The following CNTNAP2 variants were observed in gnomAD, a reference collection of about 807,000 sequenced individuals.
The protein encoded by CNTNAP2 is contactin associated protein 2.
Under a neutral mutation model 155.2 loss-of-function variants are expected in CNTNAP2, and 98 were observed. That is an observed-to-expected ratio of 0.63 (90% confidence interval 0.54 to 0.75). The LOEUF is 0.75. Ranked by LOEUF, CNTNAP2 falls within the 30% of genes least tolerant of loss-of-function variation. CNTNAP2 has a pLI of 0.00. For missense variants in CNTNAP2, 1,727 were observed against 1,688.1 expected, an observed-to-expected ratio of 1.02 and a Z score of -0.40; for synonymous variants, 651 against 631.2, an observed-to-expected ratio of 1.03 and a Z score of -0.47.
chr7:147,198,766 T>G (rs758294985), intron 8 of CNTNAP2, among the ~76,000 whole-genome samples: 1 of 152,128 alleles, frequency 6.6e-6, no homozygotes, highest in African/African-American at 2.4e-5. Flanking sequence ...GAATCATTTG[T>G]ATTTATCAAG....
intron 13 of CNTNAP2, among the ~76,000 whole-genome samples, chr7:147,809,638 CTTTTTT>C (rs909172202): frequency 9.2e-5 from 14 of 152,118 alleles, no homozygotes; most frequent in African/African-American, 3.4e-4. Context: ...CATTATTTTT[CTTTTTT>C]GTCTTCAGCT....
intron 3 of CNTNAP2, among the ~76,000 whole-genome samples, chr7:147,007,972 C>A (rs1187893309): frequency 6.6e-6 from 1 of 152,246 alleles, no homozygotes; most frequent in East Asian, 1.9e-4. Context: ...AGTGCAAGTT[C>A]ATTTTCCTGT....
chr7:147,459,008 T>G (rs1368579637), intron 10 of CNTNAP2, among the ~76,000 whole-genome samples: 1 of 152,146 alleles, frequency 6.6e-6, no homozygotes, highest in East Asian at 1.9e-4. Context: ...ATATTATGGT[T>G]TATTATCTCC....
intron 1 of CNTNAP2, among the ~76,000 whole-genome samples, chr7:146,487,511 A>C (rs1361937811): frequency 6.6e-6 from 1 of 152,178 alleles, no homozygotes; most frequent in Non-Finnish European, 1.5e-5. Flanking sequence ...AATATCTTTA[A>C]TTTCTTTAAC....
At chr7:147,580,743 G>A (rs1398642453) in intron 12 of CNTNAP2, among the ~76,000 whole-genome samples, 1 of 151,860 alleles carries the variant, frequency 6.6e-6, no homozygotes, top group African/African-American at 2.4e-5. Flanking sequence ...AGCCTCCTGA[G>A]TAGCTAGGAC....
intron 15 of CNTNAP2, among the ~76,000 whole-genome samples, chr7:148,033,363 A>T (rs1283282021): frequency 5.0e-5 from 2 of 39,614 alleles, no homozygotes; most frequent in African/African-American, 3.7e-4. Flanking sequence ...TATTTCTTCT[A>T]AAAAAAAAAA....
At chr7:147,661,107 C>T (rs1235806871) in intron 13 of CNTNAP2, among the ~76,000 whole-genome samples, 1 of 152,226 alleles carries the variant, frequency 6.6e-6, no homozygotes, top group Admixed American at 6.5e-5. Context: ...GGCCCTTTAC[C>T]TATAATATGC....
At chr7:148,289,782 G>A (rs918252178) in intron 21 of CNTNAP2, among the ~76,000 whole-genome samples, 3 of 152,120 alleles carry the variant, frequency 2.0e-5, no homozygotes, top group African/African-American at 7.2e-5. Flanking sequence ...ACAGGACAAG[G>A]CACACCAGAA....
intron 13 of CNTNAP2, among the ~76,000 whole-genome samples, chr7:147,731,392 T>C (rs764067581): frequency 3.2e-4 from 49 of 152,048 alleles, no homozygotes; most frequent in Non-Finnish European, 5.3e-4. Context: ...ATCTCTACTC[T>C]GCCTGTCCCC....
At chr7:147,066,609 A>G (rs1227114302) in intron 4 of CNTNAP2, among the ~76,000 whole-genome samples, 1 of 152,194 alleles carries the variant, frequency 6.6e-6, no homozygotes, top group Non-Finnish European at 1.5e-5. Context: ...AAGTGTTCAC[A>G]CAGACTCTAA....
At chr7:147,310,509 T>A (rs181000635) in intron 9 of CNTNAP2, among the ~76,000 whole-genome samples, 4 of 152,278 alleles carry the variant, frequency 2.6e-5, no homozygotes, top group Non-Finnish European at 4.4e-5. Flanking sequence ...TTAGCAAATA[T>A]CTTCTATATC....
At chr7:146,662,881 T>G (rs1800117159) in intron 1 of CNTNAP2, among the ~76,000 whole-genome samples, 1 of 152,198 alleles carries the variant, frequency 6.6e-6, no homozygotes, top group Non-Finnish European at 1.5e-5. Context: ...GACCTTATAT[T>G]TGCGAGTCTG....
intron 3 of CNTNAP2, among the ~76,000 whole-genome samples, chr7:146,841,099 C>G (rs79102940): frequency 0.047 from 7,105 of 152,216 alleles, 568 homozygotes; most frequent in African/African-American, 0.16. Flanking sequence ...AGCTAGAGAA[C>G]TTTAAAACAT....
At chr7:146,778,728 C>A (rs1218528865) in intron 2 of CNTNAP2, among the ~76,000 whole-genome samples, 1 of 152,222 alleles carries the variant, frequency 6.6e-6, no homozygotes, top group Admixed American at 6.5e-5. Flanking sequence ...GTTTCTCAAT[C>A]TTCATAACAA....
chr7:146,418,343 A>G (rs559531038), intron 1 of CNTNAP2, among the ~76,000 whole-genome samples: 1 of 152,186 alleles, frequency 6.6e-6, no homozygotes, highest in Non-Finnish European at 1.5e-5. Flanking sequence ...AACCCCAGTG[A>G]GGATCTCTAA....
intron 1 of CNTNAP2, among the ~76,000 whole-genome samples, chr7:146,589,596 T>C (rs1236335126): frequency 1.3e-5 from 2 of 151,814 alleles, no homozygotes; most frequent in African/African-American, 4.8e-5. Context: ...TTGGGGCCTG[T>C]TGGGGTTTGG....
chr7:146,506,082 A>G (rs902798132), intron 1 of CNTNAP2, among the ~76,000 whole-genome samples: 1 of 152,172 alleles, frequency 6.6e-6, no homozygotes, highest in Admixed American at 6.5e-5. Context: ...GTGTTCCCCT[A>G]TCACATTCAA....
intron 1 of CNTNAP2, among the ~76,000 whole-genome samples, chr7:146,581,405 ATAAAT>A (rs1444833093): frequency 6.6e-6 from 1 of 152,154 alleles, no homozygotes; most frequent in African/African-American, 2.4e-5. Context: ...AAATAAAATG[ATAAAT>A]TATAATAGCA....
intron 12 of CNTNAP2, among the ~76,000 whole-genome samples, chr7:147,566,415 C>T (rs1334629051): frequency 1.3e-5 from 2 of 151,532 alleles, no homozygotes; most frequent in African/African-American, 4.9e-5. Context: ...TCTCACGCTG[C>T]TATAAAGAAC....
Sources: gnomAD v4.1 joint callset for allele counts (sites outside exome capture counted in the v4.1 genomes callset) on GRCh38, gnomAD v4.1.1 for gene constraint, MANE v1.5 for transcripts, NCBI Gene and HGNC (gene_info 2026-07-23, HGNC 2026-07-21) for gene names.